The following ETNK1 variants were observed in gnomAD, a reference collection of about 807,000 sequenced individuals.
ETNK1 encodes putative protein product of Nbla10396.
In ETNK1, 8 loss-of-function variants were observed where a neutral mutation model predicts 45.1. The observed-to-expected ratio is 0.18, with a 90% CI of 0.10 to 0.32. The LOEUF (loss-of-function observed/expected upper bound fraction) is 0.32, where lower values mean the gene tolerates loss of function less well. ETNK1 is among the 10% of genes least tolerant of loss of function. The pLI, the probability that ETNK1 is intolerant of heterozygous loss-of-function variation, is 1.00. For synonymous variants in ETNK1, 152 were observed against 151.9 expected (o/e 1.00, Z -0.01); for missense variants, 302 against 430.6 (o/e 0.70, Z 2.64).
At chr12:22,653,029 G>A (rs1953897794) in intron 2 of ETNK1, among the ~76,000 whole-genome samples, 1 of 152,028 alleles carries the variant, frequency 6.6e-6, no homozygotes, top group African/African-American at 2.4e-5. Context: ...GTAAGGAAAG[G>A]GTCCAGCTTC....
At chr12:22,679,043 G>C (rs1427128896) in intron 6 of ETNK1, among the ~76,000 whole-genome samples, 1 of 152,212 alleles carries the variant, frequency 6.6e-6, no homozygotes, top group African/African-American at 2.4e-5. Context: ...TTCTCCAGAG[G>C]GACAGAACTA....
chr12:22,655,331 T>G lies in ETNK1; in HGVS notation c.417-3683T>G, dbSNP rs200887970. Among the ~76,000 whole-genome samples, 9 of 3,512 alleles carry G rather than the reference T, an allele frequency of 2.6e-3. No homozygotes were observed. The East Asian group carries it at 0.27, about 104-fold the overall frequency. The allele number at this position is 3,512 out of a possible 152,430, so 2.3% of individuals were successfully genotyped here. ...ATAGGATATTTGGGGTTTGTTTGTTTTTTTTTTTTTTTTTTTTTTTTCGAG... is the reference window on the plus strand; with the variant it reads ...ATAGGATATTTGGGGTTTGTTTGTTGTTTTTTTTTTTTTTTTTTTTTCGAG... On this transcript the variant is annotated intron_variant, in intron 2 of 7. Coordinates refer to ENST00000266517, the MANE Select transcript of ETNK1 (RefSeq NM_018638.5).
At chr12:22,664,061 G>A (rs1954031987) in intron 4 of ETNK1, among the ~76,000 whole-genome samples, 1 of 151,854 alleles carries the variant, frequency 6.6e-6, no homozygotes. Flanking sequence ...GTTTCAAATT[G>A]GGAGCTAATG....
At chr12:22,662,277 A>G (rs1954010817) in intron 4 of ETNK1, among the ~76,000 whole-genome samples, 1 of 137,382 alleles carries the variant, frequency 7.3e-6, no homozygotes, top group African/African-American at 2.7e-5. Context: ...TAGAAGAGAT[A>G]GAGTTTCACC....
intron 6 of ETNK1, among the ~76,000 whole-genome samples, chr12:22,681,004 A>G (rs1009394665): frequency 6.6e-6 from 1 of 151,738 alleles, no homozygotes; most frequent in Admixed American, 6.6e-5. Flanking sequence ...AGAAATTAAA[A>G]TACCCTTTAA....
chr12:22,669,333 AT>A (rs1301323132), intron 4 of ETNK1, among the ~76,000 whole-genome samples: 2 of 130,412 alleles, frequency 1.5e-5, no homozygotes, highest in African/African-American at 2.7e-5. Flanking sequence ...AAATAAAAAA[AT>A]AAAAGAAAAA....
intron 2 of ETNK1, among the ~76,000 whole-genome samples, chr12:22,646,561 CT>C (rs1049131470): frequency 2.6e-5 from 4 of 151,736 alleles, no homozygotes; most frequent in African/African-American, 9.7e-5. Flanking sequence ...TCCTTATGAG[CT>C]TTAATGTTTG....
Position 22,659,019 on chromosome 12 carries a change from T to C in ETNK1, c.422T>C (p.Ile141Thr). Residue 141 changes from isoleucine (I) to threonine (T), a missense_variant, in exon 3 of 8, where the codon ATA becomes ACA. By Grantham distance (89) the Ile-to-Thr change is moderately conservative. This residue lies in a region of ETNK1 where 205 missense variants were observed against 259.9 expected (regional missense o/e 0.79). Transcript: ENST00000266517. Reference sequence around the variant, plus strand: ...TGCGGTTTTGTTTTAAACAGGCTAATAGCTCGTCAGCTTGCTAAAATCCAT... The same window carrying C: ...TGCGGTTTTGTTTTAAACAGGCTAACAGCTCGTCAGCTTGCTAAAATCCAT... ...HVCNPAIFRL[I>T]ARQLAKIHAI... 1 of 1,613,154 alleles carries C rather than the reference T, an allele frequency of 6.2e-7. No individual in the cohort carries two copies. The highest frequency in any genetic ancestry group is 8.5e-7 in the Non-Finnish European group (1 of 1,179,784).
intron 2 of ETNK1, among the ~76,000 whole-genome samples, chr12:22,657,152 CAT>C (rs1469921915): frequency 1.3e-5 from 2 of 152,096 alleles, no homozygotes; most frequent in Non-Finnish European, 2.9e-5. Flanking sequence ...ATGAGACTAA[CAT>C]AAAAATAGAT....
intron 6 of ETNK1, among the ~76,000 whole-genome samples, chr12:22,681,317 T>C (rs905171460): frequency 6.6e-6 from 1 of 151,994 alleles, no homozygotes; most frequent in Admixed American, 6.6e-5. Context: ...TTGAGAAATA[T>C]AGTTACCATC....
At chr12:22,625,834 G>A (rs1953486968) in intron 1 of ETNK1, 1 of 703,160 alleles carries the variant, frequency 1.4e-6, no homozygotes, top group Non-Finnish European at 2.6e-6. Context: ...GTAAGTGACG[G>A]ACCCATCCAC....
At chr12:22,678,322 T>C (rs527748324) in intron 6 of ETNK1, among the ~76,000 whole-genome samples, 237 of 152,358 alleles carry the variant, frequency 1.6e-3, no homozygotes, top group African/African-American at 5.5e-3. Context: ...CAGGTAAGGC[T>C]TACCAATCAT....
chr12:22,664,464 A>G (rs1374241957), intron 4 of ETNK1, among the ~76,000 whole-genome samples: 2 of 152,078 alleles, frequency 1.3e-5, no homozygotes, highest in African/African-American at 2.4e-5. Flanking sequence ...TGTATAAGTA[A>G]CATATTTATA....
intron 2 of ETNK1, among the ~76,000 whole-genome samples, chr12:22,655,121 C>T (rs1173077866): frequency 6.6e-6 from 1 of 152,110 alleles, no homozygotes; most frequent in Non-Finnish European, 1.5e-5. Flanking sequence ...TGCCTGCCAC[C>T]ACATCCGGCT....
chr12:22,682,636 C>G (rs1954224225), intron 6 of ETNK1, among the ~76,000 whole-genome samples: 1 of 152,124 alleles, frequency 6.6e-6, no homozygotes, highest in South Asian at 2.1e-4. Context: ...TTAATGGCTT[C>G]ACAAAGGACA....
chr12:22,670,316 C>A (rs547428175), intron 4 of ETNK1, among the ~76,000 whole-genome samples: 22 of 151,892 alleles, frequency 1.4e-4, no homozygotes, highest in Admixed American at 9.2e-4. Context: ...TAACTCCACG[C>A]CCCTGTAAGC....
intron 5 of ETNK1, 72 bp downstream of exon 5, chr12:22,671,427 A>C: frequency 9.8e-7 from 1 of 1,015,726 alleles, no homozygotes; most frequent in Non-Finnish European, 1.5e-6. Flanking sequence ...TTTTTAAAGT[A>C]GATAAACCGT....
In ETNK1 at chr12:22,685,114, CTGAA is replaced by C; in HGVS notation, c.*164_*167del. On this transcript the variant is annotated 3_prime_UTR_variant, in exon 8 of 8. Transcript: ENST00000266517. ...CAATCAAATCTATTTTTGAAATAGA[CTGAA>C]TGATGTCAAGAAATATACCTACTGC... 1 of 545,878 alleles carries C rather than the reference CTGAA, an allele frequency of 1.8e-6. No homozygotes were observed. The highest frequency in any genetic ancestry group is 3.2e-6 in the Non-Finnish European group (1 of 312,668). The allele number at this position is 545,878 out of a possible 1,614,324, so 33.8% of individuals were successfully genotyped here.
intron 4 of ETNK1, among the ~76,000 whole-genome samples, chr12:22,670,389 T>TTC (rs1173143390): frequency 1.4e-4 from 21 of 152,000 alleles, no homozygotes; most frequent in African/African-American, 5.1e-4. Flanking sequence ...TTTTTAAGGT[T>TTC]TCTCTCTCTC....
Sources: allele counts gnomAD v4.1 joint callset (sites outside exome capture counted in the v4.1 genomes callset), GRCh38; gene constraint gnomAD v4.1.1; regional missense constraint gnomAD v4.1.1; transcripts MANE v1.5; gene names NCBI Gene and HGNC (gene_info 2026-07-23, HGNC 2026-07-21).